Variants in SMARCC1 observed in about 807,000 individuals in gnomAD.
SMARCC1 encodes SWI/SNF related BAF chromatin remodeling complex subunit C1.
In SMARCC1, 43 loss-of-function variants were observed where a neutral mutation model predicts 147.4. The ratio of observed to expected loss-of-function variants is 0.29; its 90% confidence interval spans 0.23 to 0.38. The LOEUF (loss-of-function observed/expected upper bound fraction) is 0.38. Ranked by LOEUF, SMARCC1 falls within the 10% of genes least tolerant of loss-of-function variation. SMARCC1 has a pLI of 1.00. For missense variants in SMARCC1, 1,119 were observed against 1,381.1 expected (o/e 0.81, Z 3.01); for synonymous variants, 495 against 484.4 (o/e 1.02, Z -0.29).
intron 11 of SMARCC1, 28 bp downstream of exon 11, chr3:47,701,250 T>A: frequency 6.2e-7 from 1 of 1,600,808 alleles, no homozygotes; most frequent in Non-Finnish European, 8.5e-7. Context: ...AAATTAAATC[T>A]AACACTCTCA....
At chr3:47,705,287 T>G (rs973374565) in intron 10 of SMARCC1, among the ~76,000 whole-genome samples, 2 of 130,626 alleles carry the variant, frequency 1.5e-5, no homozygotes, top group African/African-American at 5.9e-5. Context: ...ATTGTGCCAC[T>G]GCACTCCAGC....
chr3:47,620,768 C>G (rs1404369641), intron 25 of SMARCC1, among the ~76,000 whole-genome samples: 3 of 152,140 alleles, frequency 2.0e-5, no homozygotes, highest in Non-Finnish European at 1.5e-5. Flanking sequence ...AAGGATGGAT[C>G]TGAGGGAGGA....
rs993220121 is a variant in SMARCC1 at position 47,586,107 on chromosome 3, G to C, written c.*2102C>G. 2 of 152,340 alleles carry C rather than the reference G, an allele frequency of 1.3e-5. No homozygotes were observed. Among genetic ancestry groups the C allele is most frequent in the Non-Finnish European group, 2.9e-5 (2 of 68,004 alleles). 9.4% of individuals were successfully genotyped at this position (152,340 alleles called of 1,614,324 possible). On this transcript the variant is annotated 3_prime_UTR_variant, in exon 28 of 28. Coordinates refer to ENST00000254480, the MANE Select transcript of SMARCC1 (RefSeq NM_003074.4). ...TAAAACCAGATCAAAGACATGAAAA[G>C]AAAAAGCCACCACTTATACTGAAAT...
At chr3:47,588,549 C>T (rs2032116659) in intron 27 of SMARCC1, among the ~76,000 whole-genome samples, 1 of 152,054 alleles carries the variant, frequency 6.6e-6, no homozygotes, top group African/African-American at 2.4e-5. Context: ...GAATTTCCCC[C>T]ACCCTCCTTC....
intron 24 of SMARCC1, among the ~76,000 whole-genome samples, chr3:47,630,789 G>A (rs1485142086): frequency 6.6e-6 from 1 of 152,212 alleles, no homozygotes; most frequent in Admixed American, 6.5e-5. Context: ...CATGCTGGAA[G>A]CAGTGGCTGA....
chr3:47,623,784 A>G (rs1233429088), intron 24 of SMARCC1, among the ~76,000 whole-genome samples: 3 of 152,180 alleles, frequency 2.0e-5, no homozygotes, highest in African/African-American at 4.8e-5. Context: ...ATACATCAGT[A>G]ACTCTTCCTT....
chr3:47,719,805 G>A (rs867376876), intron 7 of SMARCC1, among the ~76,000 whole-genome samples: 1 of 152,008 alleles, frequency 6.6e-6, no homozygotes. Context: ...CCATGATCTC[G>A]GCTCACTGCA....
At chr3:47,703,695 G>A (rs1263148513) in intron 10 of SMARCC1, among the ~76,000 whole-genome samples, 2 of 152,202 alleles carry the variant, frequency 1.3e-5, no homozygotes, top group Non-Finnish European at 2.9e-5. Context: ...GTTCTACAGT[G>A]CAGAGCGAAT....
intron 2 of SMARCC1, among the ~76,000 whole-genome samples, chr3:47,765,775 C>T (rs951121338): frequency 6.6e-6 from 1 of 151,834 alleles, no homozygotes; most frequent in Non-Finnish European, 1.5e-5. Context: ...CTCTGTCGCC[C>T]AGGCTGGAGT....
chr3:47,588,789 G>C (rs2032125066), intron 27 of SMARCC1, among the ~76,000 whole-genome samples: 1 of 133,394 alleles, frequency 7.5e-6, no homozygotes, highest in Non-Finnish European at 1.5e-5. Flanking sequence ...GTCTCCACCA[G>C]GGCCAGAGAG....
At chr3:47,716,344 G>T (rs1211051559) in intron 7 of SMARCC1, among the ~76,000 whole-genome samples, 1 of 150,550 alleles carries the variant, frequency 6.6e-6, no homozygotes, top group Non-Finnish European at 1.5e-5. Flanking sequence ...CATGAACCTG[G>T]GAGGTGGAGT....
At chr3:47,631,646 A>G (rs1394395972) in intron 24 of SMARCC1, among the ~76,000 whole-genome samples, 3 of 152,212 alleles carry the variant, frequency 2.0e-5, no homozygotes, top group African/African-American at 7.2e-5. Context: ...GGGGACAATA[A>G]CAGAAGCCAT....
intron 10 of SMARCC1, among the ~76,000 whole-genome samples, chr3:47,703,125 G>A (rs2033946639): frequency 6.6e-6 from 1 of 151,798 alleles, no homozygotes; most frequent in Non-Finnish European, 1.5e-5. Context: ...GTAGAGACGG[G>A]GTTTCACCAT....
chr3:47,663,753 C>T lies in SMARCC1; in HGVS notation c.1900-1161G>A, dbSNP rs563818105. ...TTCCTTCACAAGACCCACGAGAACC[C>T]GGTGGTACCCATAGGTTGCCTGGCC... On this transcript the variant is annotated intron_variant, in intron 19 of 27. Transcript: ENST00000254480. The T allele has an allele frequency of 2.8e-5, 43 of 1,521,546 alleles. No individual in the cohort carries two copies. The East Asian group carries it at 6.1e-4, about 22-fold the overall frequency. The allele number at this position is 1,521,546 out of a possible 1,614,324, so 94.3% of individuals were successfully genotyped here.
At chr3:47,626,486 AG>A (rs1156498115) in intron 24 of SMARCC1, among the ~76,000 whole-genome samples, 5 of 151,526 alleles carry the variant, frequency 3.3e-5, no homozygotes, top group Non-Finnish European at 7.4e-5. Context: ...AAAGAAAGAA[AG>A]AAAAAAAAAG....
chr3:47,647,926 T>A (rs1026906270), intron 21 of SMARCC1, among the ~76,000 whole-genome samples: 6 of 152,236 alleles, frequency 3.9e-5, no homozygotes, highest in African/African-American at 1.4e-4. Flanking sequence ...CACTTCTGTT[T>A]CTGTGACTTC....
intron 19 of SMARCC1, among the ~76,000 whole-genome samples, chr3:47,668,953 G>A (rs114768666): frequency 2.0e-5 from 3 of 151,060 alleles, no homozygotes; most frequent in African/African-American, 7.3e-5. Context: ...CAGATTTATC[G>A]ATTTATTAGA....
intron 2 of SMARCC1, among the ~76,000 whole-genome samples, chr3:47,761,876 T>C (rs1277496800): frequency 1.3e-5 from 2 of 152,204 alleles, no homozygotes; most frequent in Admixed American, 1.3e-4. Context: ...TGGCACAATC[T>C]TGGCTCACTG....
At chr3:47,729,952 G>A (rs960823166) in intron 5 of SMARCC1, among the ~76,000 whole-genome samples, 12 of 152,104 alleles carry the variant, frequency 7.9e-5, no homozygotes, top group Admixed American at 3.9e-4. Context: ...TGGGAGCCAG[G>A]TGGATCATTT....
Sources: allele counts gnomAD v4.1 joint callset (sites outside exome capture counted in the v4.1 genomes callset), GRCh38; gene constraint gnomAD v4.1.1; transcripts MANE v1.5; gene names NCBI Gene and HGNC (gene_info 2026-07-23, HGNC 2026-07-21).